DLG2: variants seen among roughly 807,000 people sequenced by gnomAD.
DLG2 encodes disks large homolog 2.
A neutral mutation model predicts 132.5 loss-of-function variants in DLG2; 45 were observed. The ratio of observed to expected loss-of-function variants is 0.34; its 90% confidence interval spans 0.27 to 0.44. DLG2 has a LOEUF of 0.44. Ranked by LOEUF, DLG2 falls within the 20% of genes least tolerant of loss-of-function variation. DLG2 has a pLI of 1.00. For synonymous variants in DLG2, 424 were observed against 419.6 expected (o/e 1.01, Z -0.13); for missense variants, 1,045 against 1,196.9 (o/e 0.87, Z 1.87).
chr11:83,708,680 A>G (rs2084636127), intron 18 of DLG2, among the ~76,000 whole-genome samples: 1 of 152,216 alleles, frequency 6.6e-6, no homozygotes, highest in Admixed American at 6.5e-5. Flanking sequence ...TATTTTCCTT[A>G]AAGTACCTAA....
intron 6 of DLG2, among the ~76,000 whole-genome samples, chr11:85,015,846 C>G (rs1592718395): frequency 1.3e-5 from 2 of 152,056 alleles, no homozygotes; most frequent in Non-Finnish European, 2.9e-5. Context: ...TAAATTCAAA[C>G]TCTTATAATA....
At chr11:85,180,957 A>G (rs2079650034) in intron 4 of DLG2, among the ~76,000 whole-genome samples, 1 of 151,858 alleles carries the variant, frequency 6.6e-6, no homozygotes, top group South Asian at 2.1e-4. Context: ...TCCAAAATCC[A>G]TTCTGTTTCT....
At chr11:85,458,744 T>C (rs149220454) in intron 3 of DLG2, among the ~76,000 whole-genome samples, 1 of 152,244 alleles carries the variant, frequency 6.6e-6, no homozygotes, top group Non-Finnish European at 1.5e-5. Flanking sequence ...TTACACATAG[T>C]GGCCTGTAGG....
chr11:83,656,590 C>T (rs571312920), intron 18 of DLG2, among the ~76,000 whole-genome samples: 24 of 152,242 alleles, frequency 1.6e-4, no homozygotes, highest in African/African-American at 3.1e-4. Context: ...ATTCCTTCCA[C>T]GGTGGAAATG....
intron 6 of DLG2, among the ~76,000 whole-genome samples, chr11:84,713,343 T>C (rs1469812977): frequency 2.0e-5 from 3 of 152,196 alleles, no homozygotes; most frequent in South Asian, 2.1e-4. Context: ...GTAACTACTA[T>C]ACCCATCTCA....
At chr11:83,650,628 GA>G (rs1287081082) in intron 18 of DLG2, among the ~76,000 whole-genome samples, 1 of 152,058 alleles carries the variant, frequency 6.6e-6, no homozygotes, top group Non-Finnish European at 1.5e-5. Context: ...TCCCAGATAT[GA>G]AAAAAATTTC....
chr11:84,263,983 CTTATT>C (rs2097579735), intron 7 of DLG2, among the ~76,000 whole-genome samples: 3 of 152,124 alleles, frequency 2.0e-5, no homozygotes, highest in Admixed American at 2.0e-4. Context: ...TTCATTTTCC[CTTATT>C]TTAAATTCTC....
intron 6 of DLG2, among the ~76,000 whole-genome samples, chr11:84,568,957 G>A (rs2099469279): frequency 6.6e-6 from 1 of 152,088 alleles, no homozygotes; most frequent in African/African-American, 2.4e-5. Flanking sequence ...TAACTTTATA[G>A]CCTAGCCTGC....
chr11:83,749,937 T>G (rs536481419), intron 18 of DLG2, among the ~76,000 whole-genome samples: 2 of 152,304 alleles, frequency 1.3e-5, no homozygotes, highest in South Asian at 2.1e-4. Context: ...TCAAAAAGAC[T>G]GCCCTAATTA....
chr11:84,161,248 G>C (rs1566761634), intron 9 of DLG2, among the ~76,000 whole-genome samples: 1 of 152,170 alleles, frequency 6.6e-6, no homozygotes, highest in African/African-American at 2.4e-5. Flanking sequence ...ATTAGAGTGA[G>C]GGACCAGGTA....
intron 11 of DLG2, among the ~76,000 whole-genome samples, chr11:84,051,636 G>GCT (rs1566229646): frequency 2.3e-5 from 3 of 131,956 alleles, no homozygotes; most frequent in African/African-American, 8.3e-5. Context: ...GGGTGGGGGA[G>GCT]GGGGGAGGGA....
chr11:83,884,378 G>T lies in DLG2; in HGVS notation c.1497-9890C>A, dbSNP rs546354707. On this transcript the variant is annotated intron_variant, in intron 15 of 27. Coordinates refer to ENST00000376104, the MANE Select transcript of DLG2 (RefSeq NM_001142699.3). Reference sequence around the variant, plus strand: ...TCTGAGATTAAACTGTAAGGCGGCAGCGAGGCTAGGGGGAGGGGCGCCCGC... The same window carrying T: ...TCTGAGATTAAACTGTAAGGCGGCATCGAGGCTAGGGGGAGGGGCGCCCGC... Among the ~76,000 whole-genome samples the T allele has an allele frequency of 2.0e-5, 3 of 152,310 alleles. No homozygotes were observed. The South Asian group carries it at 6.2e-4, about 32-fold the overall frequency.
rs181240743 is a variant in DLG2 at position 83,833,011 on chromosome 11, A to T, written c.1722+603T>A. 8.9e-3 allele frequency among the ~76,000 whole-genome samples: 1,351 copies of T among 152,314 alleles called. 18 individuals are homozygous for T. Among genetic ancestry groups the T allele is most frequent in the African/African-American group, 0.031 (1,285 of 41,560 alleles). On this transcript the variant is annotated intron_variant, in intron 17 of 27. Coordinates refer to ENST00000376104, the MANE Select transcript of DLG2 (RefSeq NM_001142699.3). ...ATAAAATAAGTAATATATCATTTTT[A>T]AAAAGGCATGCTTCTCAACGTTCTG...
chr11:85,288,247 G>A (rs2078680752), intron 3 of DLG2, among the ~76,000 whole-genome samples: 1 of 151,932 alleles, frequency 6.6e-6, no homozygotes, highest in African/African-American at 2.4e-5. Flanking sequence ...AGAAAAGTTA[G>A]CAATCCTTAA....
chr11:84,189,360 G>A (rs10736762), intron 8 of DLG2, among the ~76,000 whole-genome samples: 121,972 of 152,128 alleles, frequency 0.8, 49,765 homozygotes, highest in Middle Eastern at 0.91. Flanking sequence ...AAAAAGGTAC[G>A]CTTTTACACT....
intron 7 of DLG2, among the ~76,000 whole-genome samples, chr11:84,442,246 C>T (rs2099019432): frequency 6.6e-6 from 1 of 152,052 alleles, no homozygotes; most frequent in Admixed American, 6.6e-5. Flanking sequence ...TCTTCCTGTC[C>T]ATGACCATGG....
intron 11 of DLG2, among the ~76,000 whole-genome samples, chr11:84,034,609 G>C (rs571182461): frequency 6.6e-6 from 1 of 152,210 alleles, no homozygotes; most frequent in South Asian, 2.1e-4. Flanking sequence ...ATTTAGAATG[G>C]ATGAGCAATG....
At chr11:83,597,807 AAACAAAC>A (rs1393457395) in intron 19 of DLG2, among the ~76,000 whole-genome samples, 7 of 150,768 alleles carry the variant, frequency 4.6e-5, no homozygotes, top group Non-Finnish European at 8.8e-5. Flanking sequence ...ACAAACAAAC[AAACAAAC>A]AAACACAAAA....
intron 6 of DLG2, among the ~76,000 whole-genome samples, chr11:84,969,699 C>G (rs2053805312): frequency 6.6e-6 from 1 of 152,000 alleles, no homozygotes; most frequent in Non-Finnish European, 1.5e-5. Context: ...TCAGATGTAC[C>G]AACAAGAAAA....
Sources: allele counts gnomAD v4.1 joint callset (sites outside exome capture counted in the v4.1 genomes callset), GRCh38; gene constraint gnomAD v4.1.1; transcripts MANE v1.5; gene names NCBI Gene and HGNC (gene_info 2026-07-23, HGNC 2026-07-21).